The following CLSTN2 variants were observed in gnomAD, a reference collection of about 807,000 sequenced individuals.
The protein encoded by CLSTN2 is calsyntenin 2.
In CLSTN2, 48 loss-of-function variants were observed where a neutral mutation model predicts 101.2. The observed-to-expected ratio is 0.47, with a 90% confidence interval of 0.38 to 0.60. The LOEUF (loss-of-function observed/expected upper bound fraction) is 0.60. Ranked by LOEUF, CLSTN2 falls within the 20% of genes least tolerant of loss-of-function variation. The pLI, the probability that CLSTN2 is intolerant of heterozygous loss-of-function variation, is 0.00. For synonymous variants in CLSTN2, 481 were observed against 463.6 expected (o/e 1.04, Z -0.48); for missense variants, 1,160 against 1,238.2 (o/e 0.94, Z 0.95).
At chr3:140,458,362 C>G (rs1209213538) in intron 6 of CLSTN2, among the ~76,000 whole-genome samples, 1 of 152,048 alleles carries the variant, frequency 6.6e-6, no homozygotes, top group Non-Finnish European at 1.5e-5. Flanking sequence ...ATACCCCTGC[C>G]CACCCAACTC....
At chr3:140,061,208 G>A (rs2008198926) in intron 1 of CLSTN2, among the ~76,000 whole-genome samples, 1 of 152,098 alleles carries the variant, frequency 6.6e-6, no homozygotes, top group African/African-American at 2.4e-5. Flanking sequence ...CAACCAATGT[G>A]GTAGGTAAAC....
At chr3:140,363,734 C>A (rs1318184526) in intron 2 of CLSTN2, among the ~76,000 whole-genome samples, 2 of 152,148 alleles carry the variant, frequency 1.3e-5, no homozygotes, top group Non-Finnish European at 2.9e-5. Context: ...GGGCAATGGG[C>A]AACCATCCAA....
chr3:140,126,750 C>T (rs949686427), intron 1 of CLSTN2, among the ~76,000 whole-genome samples: 3 of 152,074 alleles, frequency 2.0e-5, no homozygotes, highest in Admixed American at 6.6e-5. Context: ...CTTTCAAGCA[C>T]CTTTGTATGC....
chr3:140,465,324 T>C (rs1235082102), intron 7 of CLSTN2, among the ~76,000 whole-genome samples: 3 of 152,212 alleles, frequency 2.0e-5, no homozygotes, highest in Non-Finnish European at 2.9e-5. Context: ...CCCAGTGGTA[T>C]AATAAAACTT....
chr3:140,461,897 T>C (rs1933572372), intron 7 of CLSTN2, among the ~76,000 whole-genome samples: 3 of 151,722 alleles, frequency 2.0e-5, no homozygotes, highest in African/African-American at 7.3e-5. Context: ...CTCTAACTTT[T>C]CTGACAGCAA....
At chr3:140,328,667 G>A (rs2087353274) in intron 2 of CLSTN2, among the ~76,000 whole-genome samples, 1 of 152,152 alleles carries the variant, frequency 6.6e-6, no homozygotes, top group South Asian at 2.1e-4. Context: ...GAATGGTAAA[G>A]ACAGTGGATC....
At chr3:139,973,539 G>A (rs1252611966) in intron 1 of CLSTN2, among the ~76,000 whole-genome samples, 2 of 152,178 alleles carry the variant, frequency 1.3e-5, no homozygotes, top group East Asian at 1.9e-4. Context: ...GGAGACAGGG[G>A]TGTGTGGGGT....
At chr3:140,114,904 G>T (rs1474227569) in intron 1 of CLSTN2, among the ~76,000 whole-genome samples, 1 of 152,062 alleles carries the variant, frequency 6.6e-6, no homozygotes, top group Non-Finnish European at 1.5e-5. Flanking sequence ...TTTTCTAGGA[G>T]CCATTGCTGG....
In CLSTN2 at chr3:140,439,835, G is replaced by A. The variant is rs190195345; in HGVS notation, c.788-8684G>A. Reference sequence around the variant, plus strand: ...GCCTATCCTTTGGCAGCTGGTTGGGGCTAAGCAGATGATTGATAAGTAATA... The same window carrying A: ...GCCTATCCTTTGGCAGCTGGTTGGGACTAAGCAGATGATTGATAAGTAATA... On this transcript the variant is annotated intron_variant, in intron 5 of 16. Transcript: ENST00000458420. Among the ~76,000 whole-genome samples, 272 of 152,330 alleles carry A rather than the reference G, an allele frequency of 1.8e-3. 1 individual carries two copies. Among genetic ancestry groups the A allele is most frequent in the African/African-American group, 6.2e-3 (259 of 41,564 alleles).
chr3:140,272,755 AAATAAT>A (rs1284428759), intron 2 of CLSTN2, among the ~76,000 whole-genome samples: 1 of 152,250 alleles, frequency 6.6e-6, no homozygotes, highest in East Asian at 1.9e-4. Context: ...CTGTCTTCAA[AAATAAT>A]AATAATAATC....
intron 5 of CLSTN2, among the ~76,000 whole-genome samples, chr3:140,430,686 G>C (rs926089321): frequency 6.6e-6 from 1 of 152,186 alleles, no homozygotes; most frequent in Non-Finnish European, 1.5e-5. Flanking sequence ...GATTAGATGC[G>C]TAGCAAAGCC....
intron 10 of CLSTN2, among the ~76,000 whole-genome samples, chr3:140,547,681 C>T (rs1935623401): frequency 6.6e-6 from 1 of 152,118 alleles, no homozygotes; most frequent in African/African-American, 2.4e-5. Flanking sequence ...TCAGCAGGCA[C>T]CCCAACAGCC....
chr3:140,001,706 T>A (rs1438454184), intron 1 of CLSTN2, among the ~76,000 whole-genome samples: 1 of 152,060 alleles, frequency 6.6e-6, no homozygotes, highest in Non-Finnish European at 1.5e-5. Flanking sequence ...CTAAGTCTCA[T>A]TCATGATTTC....
Position 140,562,259 on chromosome 3 carries a change from C to T in CLSTN2, c.2163C>T (p.His721=). 1 of 1,613,872 alleles carries T rather than the reference C, an allele frequency of 6.2e-7. No homozygotes were observed. The highest frequency in any genetic ancestry group is 8.5e-7 in the Non-Finnish European group (1 of 1,179,874). The part of the protein sequence containing the change: ...ECLELNHSEL[H]QRHLDATNST... ...TGGAGCTCAACCACAGTGAGCTCCACCAACGACACCTGGATGCCACTAATT... is the reference window on the plus strand; with the variant it reads ...TGGAGCTCAACCACAGTGAGCTCCATCAACGACACCTGGATGCCACTAATT... Residue 721 remains histidine, a synonymous_variant, in exon 13 of 17, where the codon CAC becomes CAT. Coordinates refer to ENST00000458420, the MANE Select transcript of CLSTN2 (RefSeq NM_022131.3).
intron 8 of CLSTN2, among the ~76,000 whole-genome samples, chr3:140,472,406 G>A (rs1231008109): frequency 2.0e-5 from 3 of 152,266 alleles, no homozygotes; most frequent in South Asian, 4.2e-4. Context: ...CTGCTCATTC[G>A]GTTTCACAGG....
chr3:140,290,049 AG>A (rs948648542), intron 2 of CLSTN2, among the ~76,000 whole-genome samples: 3 of 151,266 alleles, frequency 2.0e-5, no homozygotes, highest in African/African-American at 7.3e-5. Flanking sequence ...TTTATGTAAA[AG>A]GTAGAGAAAT....
At chr3:140,400,661 C>T (rs1600402) in intron 2 of CLSTN2, among the ~76,000 whole-genome samples, 119,561 of 152,066 alleles carry the variant, frequency 0.79, 47,370 homozygotes, top group Admixed American at 0.83. Flanking sequence ...ATCACACTAC[C>T]GCATTCCAGC....
chr3:140,572,804 AACTG>A lies in CLSTN2; in HGVS notation c.*6555_*6558del, dbSNP rs755886546. 5 of 152,434 alleles carry A rather than the reference AACTG, an allele frequency of 3.3e-5. No individual in the cohort carries two copies. The highest frequency in any genetic ancestry group is 1.9e-4 in the East Asian group (1 of 5,180). The allele number at this position is 152,434 out of a possible 1,614,324, so 9.4% of individuals were successfully genotyped here. ...GATGACTTGAGCTGGCATCGGGAAG[AACTG>A]ACTATTAACTAACAAGGTAAAATCA... On this transcript the variant is annotated 3_prime_UTR_variant, in exon 17 of 17. Coordinates refer to ENST00000458420, the MANE Select transcript of CLSTN2 (RefSeq NM_022131.3).
chr3:140,333,386 C>A (rs769417865), intron 2 of CLSTN2, among the ~76,000 whole-genome samples: 9 of 152,266 alleles, frequency 5.9e-5, no homozygotes, highest in South Asian at 2.1e-4. Flanking sequence ...GATGAGTGGA[C>A]CAGATTATCT....
Sources: gnomAD v4.1 joint callset for allele counts (sites outside exome capture counted in the v4.1 genomes callset) on GRCh38, gnomAD v4.1.1 for gene constraint, MANE v1.5 for transcripts, NCBI Gene and HGNC (gene_info 2026-07-23, HGNC 2026-07-21) for gene names.